SEMA3E: variants seen among roughly 807,000 people sequenced by gnomAD.
The protein encoded by SEMA3E is semaphorin 3E, also known as semaphorin-3E.
A neutral mutation model predicts 93.6 loss-of-function variants in SEMA3E; 49 were observed. The observed-to-expected ratio is 0.52, with a 90% CI of 0.42 to 0.66. The LOEUF is 0.66. Ranked by LOEUF, SEMA3E falls within the 30% of genes least tolerant of loss-of-function variation. The probability of loss-of-function intolerance (pLI) is 0.00; values close to 1 mark genes in which losing one functional copy is unlikely to be tolerated. For missense variants in SEMA3E, 906 were observed against 964.8 expected, an observed-to-expected ratio of 0.94 and a Z score of 0.81; for synonymous variants, 363 against 330.7, an observed-to-expected ratio of 1.10 and a Z score of -1.06.
chr7:83,368,318 G>A (rs760423587), intron 16 of SEMA3E, among the ~76,000 whole-genome samples: 2 of 151,744 alleles, frequency 1.3e-5, no homozygotes, highest in African/African-American at 4.8e-5. Flanking sequence ...TAAAGTAAGA[G>A]GGTTTTCTCC....
intron 7 of SEMA3E, 48 bp downstream of exon 7, chr7:83,407,049 G>A: frequency 6.2e-7 from 1 of 1,607,504 alleles, no homozygotes; most frequent in Non-Finnish European, 8.5e-7. Context: ...ATAAAGGCCT[G>A]ACCATAAATT....
At chr7:83,424,546 A>C (rs1455398884) in intron 4 of SEMA3E, among the ~76,000 whole-genome samples, 1 of 152,202 alleles carries the variant, frequency 6.6e-6, no homozygotes, top group Non-Finnish European at 1.5e-5. Flanking sequence ...CAACAAACTC[A>C]ATTTGCAAGA....
intron 1 of SEMA3E, among the ~76,000 whole-genome samples, chr7:83,498,626 T>C (rs958240972): frequency 1.3e-5 from 2 of 151,982 alleles, no homozygotes; most frequent in Non-Finnish European, 2.9e-5. Context: ...TACAGGTATG[T>C]GCCACTATGC....
chr7:83,577,929 G>C (rs1482609615), intron 1 of SEMA3E, among the ~76,000 whole-genome samples: 1 of 151,784 alleles, frequency 6.6e-6, no homozygotes, highest in Non-Finnish European at 1.5e-5. Context: ...TCTTGACTTT[G>C]ATATGACTCT....
At chr7:83,557,950 G>C (rs926981920) in intron 1 of SEMA3E, among the ~76,000 whole-genome samples, 1 of 152,056 alleles carries the variant, frequency 6.6e-6, no homozygotes, top group Non-Finnish European at 1.5e-5. Context: ...CCCAAGAAAG[G>C]CTGTAAAACC....
rs1794047981 is a variant in SEMA3E at position 83,643,986 on chromosome 7, C to T, written c.115+4442G>A. 1.3e-5 allele frequency among the ~76,000 whole-genome samples: 2 copies of T among 151,852 alleles called. 1 individual carries two copies. The highest frequency in any genetic ancestry group is 4.1e-4 in the South Asian group (2 of 4,824). ...GAGGAACCAAAGCTATGAGCTGGGT[C>T]AGGAAAAACTGGCTCAGTCACTACC... On this transcript the variant is annotated intron_variant, in intron 1 of 16. Transcript: ENST00000643230.
intron 1 of SEMA3E, among the ~76,000 whole-genome samples, chr7:83,516,629 C>A (rs934600905): frequency 1.3e-5 from 2 of 152,120 alleles, no homozygotes; most frequent in African/African-American, 4.8e-5. Flanking sequence ...TACAAATCAT[C>A]TAAATTGCTT....
At chr7:83,443,593 T>G (rs61472698) in intron 4 of SEMA3E, among the ~76,000 whole-genome samples, 8,853 of 152,180 alleles carry the variant, frequency 0.058, 458 homozygotes, top group African/African-American at 0.13. Flanking sequence ...ACATTTAAAT[T>G]ATGATTTATA....
intron 2 of SEMA3E, among the ~76,000 whole-genome samples, chr7:83,474,349 CTA>C (rs145184769): frequency 0.013 from 1,962 of 152,034 alleles, 42 homozygotes; most frequent in African/African-American, 0.045. Context: ...AACAAGCACT[CTA>C]TGTTTTGAAT....
chr7:83,593,133 C>T (rs544855147), intron 1 of SEMA3E, among the ~76,000 whole-genome samples: 42 of 151,940 alleles, frequency 2.8e-4, no homozygotes, highest in Non-Finnish European at 4.9e-4. Flanking sequence ...ACTTTAGTTA[C>T]TAGCTAGTAG....
intron 14 of SEMA3E, among the ~76,000 whole-genome samples, chr7:83,390,490 G>T (rs1787997599): frequency 6.6e-6 from 1 of 152,070 alleles, no homozygotes; most frequent in Non-Finnish European, 1.5e-5. Flanking sequence ...TTTTAAACAA[G>T]TGGTTTGGAT....
intron 1 of SEMA3E, among the ~76,000 whole-genome samples, chr7:83,570,468 GC>G (rs1792257023): frequency 7.4e-6 from 1 of 135,106 alleles, no homozygotes; most frequent in Admixed American, 7.8e-5. Context: ...CAGGAGAATG[GC>G]GTGAACCCAG....
intron 1 of SEMA3E, among the ~76,000 whole-genome samples, chr7:83,644,134 T>A (rs1330763178): frequency 6.6e-6 from 1 of 151,842 alleles, no homozygotes; most frequent in East Asian, 1.9e-4. Flanking sequence ...GTAAATGGAA[T>A]GAATTCTAAA....
At chr7:83,560,066 G>A (rs1314401229) in intron 1 of SEMA3E, among the ~76,000 whole-genome samples, 6 of 152,060 alleles carry the variant, frequency 3.9e-5, no homozygotes, top group South Asian at 2.1e-4. Flanking sequence ...AGTGGTGGGC[G>A]GGCTGGGGAT....
chr7:83,504,287 A>C (rs1284849706), intron 1 of SEMA3E, among the ~76,000 whole-genome samples: 1 of 152,210 alleles, frequency 6.6e-6, no homozygotes, highest in Non-Finnish European at 1.5e-5. Flanking sequence ...ATATCCTGTT[A>C]ATTTCATAGA....
chr7:83,441,366 A>T (rs1315023268), intron 4 of SEMA3E, among the ~76,000 whole-genome samples: 2 of 152,216 alleles, frequency 1.3e-5, no homozygotes, highest in Non-Finnish European at 2.9e-5. Context: ...ATGTTTTTTT[A>T]AATAATGGCA....
At chr7:83,515,306 A>T (rs1248365206) in intron 1 of SEMA3E, among the ~76,000 whole-genome samples, 1 of 152,222 alleles carries the variant, frequency 6.6e-6, no homozygotes, top group Non-Finnish European at 1.5e-5. Flanking sequence ...AAAAAAAAAA[A>T]AAAGAAATGT....
In SEMA3E at chr7:83,367,571, G is replaced by A. The variant is rs1584194683; in HGVS notation, c.*15C>T. On this transcript the variant is annotated 3_prime_UTR_variant, in exon 17 of 17. Transcript: ENST00000643230. ...AATATAAATTCTTCAAAAGACAGTA[G>A]ATAGTCTCACCCCATCAGGAGTCCA... is the stretch of plus-strand genomic sequence containing the variant. 1 of 1,612,026 alleles carries A rather than the reference G, an allele frequency of 6.2e-7. No individual in the cohort carries two copies.
intron 4 of SEMA3E, among the ~76,000 whole-genome samples, chr7:83,446,681 G>C (rs1048775629): frequency 6.6e-6 from 1 of 152,152 alleles, no homozygotes; most frequent in Non-Finnish European, 1.5e-5. Flanking sequence ...TTTACAAAGT[G>C]CATCAATATA....
Sources: allele counts gnomAD v4.1 joint callset (sites outside exome capture counted in the v4.1 genomes callset), GRCh38; gene constraint gnomAD v4.1.1; transcripts MANE v1.5; gene names NCBI Gene and HGNC (gene_info 2026-07-23, HGNC 2026-07-21).